Variants in FUBP1 observed in about 807,000 individuals in gnomAD.
FUBP1 encodes far upstream element-binding protein 1.
Under a neutral mutation model 94.9 loss-of-function variants are expected in FUBP1, and 16 were observed. The ratio of observed to expected loss-of-function variants is 0.17; its 90% confidence interval spans 0.11 to 0.26. The LOEUF (loss-of-function observed/expected upper bound fraction) is 0.26, where lower values mean the gene tolerates loss of function less well. FUBP1 is among the 10% of genes least tolerant of loss of function. FUBP1 has a pLI of 1.00. For missense variants in FUBP1, 583 were observed against 808.6 expected (o/e 0.72, Z 3.38); for synonymous variants, 279 against 254.9 (o/e 1.09, Z -0.90).
At position 77,947,069 on chromosome 1, in the gene FUBP1, T is replaced by C; in HGVS notation, c.*1697A>G. 4.8e-6 allele frequency: 1 copy of C among 207,476 alleles called. No homozygotes were observed. The highest frequency in any genetic ancestry group is 7.4e-5 in the East Asian group (1 of 13,602). The allele number at this position is 207,476 out of a possible 1,614,324, so 12.9% of individuals were successfully genotyped here. A position where few individuals can be genotyped will look rare whatever the true frequency, so the allele number is the denominator to read the frequency against. On this transcript the variant is annotated 3_prime_UTR_variant, in exon 20 of 20. Transcript: ENST00000370768. ...TATGAAATGTGTTAAAATTGCTACATTGCTCATTATTTGCAAACTGAAATC... is the reference window on the plus strand; with the variant it reads ...TATGAAATGTGTTAAAATTGCTACACTGCTCATTATTTGCAAACTGAAATC...
upstream of FUBP1, chr1:77,979,233 A>G (rs980713297): frequency 7.0e-5 from 37 of 530,676 alleles, no homozygotes; most frequent in Non-Finnish European, 9.1e-5. Flanking sequence ...CGCGAGGATT[A>G]AGTTTAAGAC....
chr1:77,945,462 G>C lies in FUBP1; in HGVS notation c.*3304C>G. ...TTACACCCTATACCATATTATGTAT[G>C]GGAATACATTTCATATTTCTCAATT... On this transcript the variant is annotated 3_prime_UTR_variant, in exon 20 of 20. Coordinates refer to ENST00000370768, the MANE Select transcript of FUBP1 (RefSeq NM_003902.5). The C allele has an allele frequency of 4.7e-6, 1 of 211,408 alleles. No homozygotes were observed. The highest frequency in any genetic ancestry group is 2.3e-5 in the African/African-American group (1 of 44,300). 13.1% of individuals were successfully genotyped at this position (211,408 alleles called of 1,614,324 possible).
intron 1 of FUBP1, among the ~76,000 whole-genome samples, chr1:77,971,778 G>A (rs1050416765): frequency 5.3e-5 from 8 of 151,812 alleles, no homozygotes; most frequent in Non-Finnish European, 1.2e-4. Context: ...GGAGGCCAAG[G>A]CGGGCAGATC....
intron 18 of FUBP1, among the ~76,000 whole-genome samples, chr1:77,950,881 A>G (rs954365875): frequency 3.9e-5 from 6 of 152,146 alleles, no homozygotes; most frequent in Non-Finnish European, 7.4e-5. Context: ...AGAATTTAAG[A>G]TTTATGATTC....
intron 1 of FUBP1, among the ~76,000 whole-genome samples, chr1:77,971,785 G>C (rs763291101): frequency 3.3e-5 from 5 of 151,908 alleles, no homozygotes; most frequent in African/African-American, 4.8e-5. Flanking sequence ...AAGGCGGGCA[G>C]ATCACTGAGG....
intron 4 of FUBP1, among the ~76,000 whole-genome samples, chr1:77,967,375 T>C (rs1656703479): frequency 6.6e-6 from 1 of 152,202 alleles, no homozygotes. Context: ...GAGAATGTCA[T>C]CTTAACAGTT....
At chr1:77,974,209 C>T (rs1658160387) in intron 1 of FUBP1, among the ~76,000 whole-genome samples, 1 of 145,606 alleles carries the variant, frequency 6.9e-6, no homozygotes, top group Admixed American at 7.3e-5. Flanking sequence ...GATCTCGGTT[C>T]ACTGCAAGCT....
rs1473623842 is a variant in FUBP1, at chr1:77,964,327, A to T, written c.867T>A (p.Ile289=). ...TCATCTCTCCATTTCTTCCTATTAC[A>T]ATGCCAACAGCAAATCTTGGAATGG... ...DVPIPRFAVG[I]VIGRNGEMIK... Residue 289 remains isoleucine, a synonymous_variant, in exon 11 of 20, where the codon ATT becomes ATA. Coordinates refer to ENST00000370768, the MANE Select transcript of FUBP1 (RefSeq NM_003902.5). The T allele has an allele frequency of 6.2e-7, 1 of 1,602,712 alleles. No individual in the cohort carries two copies. Among genetic ancestry groups the T allele is most frequent in the Non-Finnish European group, 8.5e-7 (1 of 1,175,992 alleles).
chr1:77,948,377 T>A lies in FUBP1; in HGVS notation c.*389A>T, dbSNP rs1368767686. 1 of 1,062,756 alleles carries A rather than the reference T, an allele frequency of 9.4e-7. No homozygotes were observed. The highest frequency in any genetic ancestry group is 1.1e-6 in the Non-Finnish European group (1 of 873,888). The allele number at this position is 1,062,756 out of a possible 1,614,324, so 65.8% of individuals were successfully genotyped here. A position where few individuals can be genotyped will look rare whatever the true frequency, so the allele number is the denominator to read the frequency against. ...GCTAAGAAATTATGAATCCTTTAAA[T>A]ACCCACATATCCAACTTACCGACAC... On this transcript the variant is annotated 3_prime_UTR_variant, in exon 20 of 20. Transcript: ENST00000370768.
Position 77,947,459 on chromosome 1 carries a change from AT to A in FUBP1, c.*1306del. Reference sequence around the variant, plus strand: ...GTCATTCTGATGTACTTACAGTGCAATGCTCCTTGAAGGAACACAATCAAGG... The same window carrying A: ...GTCATTCTGATGTACTTACAGTGCAAGCTCCTTGAAGGAACACAATCAAGG... On this transcript the variant is annotated 3_prime_UTR_variant, in exon 20 of 20. Coordinates refer to ENST00000370768, the MANE Select transcript of FUBP1 (RefSeq NM_003902.5). 1.1e-6 allele frequency: 1 copy of A among 940,738 alleles called. No individual in the cohort carries two copies. Among genetic ancestry groups the A allele is most frequent in the Non-Finnish European group, 1.5e-6 (1 of 650,890 alleles). The allele number at this position is 940,738 out of a possible 1,614,324, so 58.3% of individuals were successfully genotyped here.
chr1:77,978,775 C>T lies in FUBP1; in HGVS notation c.120+110G>A, dbSNP rs577170470. The T allele has an allele frequency of 2.3e-4, 306 of 1,332,156 alleles. 3 individuals are homozygous for T. In the Middle Eastern group the frequency reaches 2.3e-3, roughly 10 times the overall value. The allele number at this position is 1,332,156 out of a possible 1,614,324, so 82.5% of individuals were successfully genotyped here. A position where few individuals can be genotyped will look rare whatever the true frequency, so the allele number is the denominator to read the frequency against. Reference sequence around the variant, plus strand: ...GAAACGTGTCTCTTCACATTTCAGCCCGGAAGAACACCTCTTTCCTCTTCC... The same window carrying T: ...GAAACGTGTCTCTTCACATTTCAGCTCGGAAGAACACCTCTTTCCTCTTCC... On this transcript the variant is annotated intron_variant, in intron 1 of 19. Transcript: ENST00000370768.
At chr1:77,963,977 C>A in intron 12 of FUBP1, 85 bp downstream of exon 12, 1 of 862,010 alleles carries the variant, frequency 1.2e-6, no homozygotes, top group South Asian at 1.4e-5. Context: ...CAAGCAGACT[C>A]TGATATAGAG....
intron 1 of FUBP1, among the ~76,000 whole-genome samples, chr1:77,971,878 C>T (rs565246046): frequency 1.3e-5 from 2 of 151,664 alleles, no homozygotes; most frequent in South Asian, 2.1e-4. Flanking sequence ...AGCGTGGTGG[C>T]GCATGTCACC....
Position 77,948,785 on chromosome 1 carries a change from G to A in FUBP1, c.1927-11C>T. The A allele has an allele frequency of 6.2e-7, 1 of 1,606,682 alleles. No homozygotes were observed. The highest frequency in any genetic ancestry group is 8.5e-7 in the Non-Finnish European group (1 of 1,173,530). On this transcript the variant is annotated splice_polypyrimidine_tract_variant and intron_variant, in intron 19 of 19. Coordinates refer to ENST00000370768, the MANE Select transcript of FUBP1 (RefSeq NM_003902.5). ...TTCTTATTATTGGCCCTGTGCAGAA[G>A]AGATACATAAGAAATACACAAAAAG...
intron 9 of FUBP1, 32 bp from the exon 10 acceptor site, chr1:77,964,779 G>C: frequency 6.5e-7 from 1 of 1,530,282 alleles, no homozygotes; most frequent in Non-Finnish European, 9.1e-7. Flanking sequence ...AATTTAGAAA[G>C]CATGTCTCAA....
At chr1:77,951,678 ATATT>A (rs1412552745) in intron 18 of FUBP1, among the ~76,000 whole-genome samples, 14 of 152,192 alleles carry the variant, frequency 9.2e-5, no homozygotes, top group Non-Finnish European at 1.5e-5. Context: ...ACATTATCTA[ATATT>A]TATTATAGTT....
At chr1:77,973,299 G>T (rs922394882) in intron 1 of FUBP1, among the ~76,000 whole-genome samples, 1 of 152,158 alleles carries the variant, frequency 6.6e-6, no homozygotes, top group African/African-American at 2.4e-5. Flanking sequence ...AGACTAGAGT[G>T]CAGTGGCGTG....
At chr1:77,956,773 C>G (rs535619112) in intron 16 of FUBP1, 73 bp from the exon 17 acceptor site, 34 of 1,085,430 alleles carry the variant, frequency 3.1e-5, no homozygotes, top group Middle Eastern at 4.3e-4. Flanking sequence ...ACACCACCCC[C>G]CCGCCCAGCT....
rs530539731 is a variant in FUBP1 at position 77,968,772 on chromosome 1, C to G, written c.212-569G>C. On this transcript the variant is annotated intron_variant, in intron 2 of 19. Transcript: ENST00000370768. ...AAAAAATAAAATCTCAAAGCAACTA[C>G]ATGACTACCTTCACCTAAATCCATT... is the stretch of plus-strand genomic sequence containing the variant. 3.3e-5 allele frequency among the ~76,000 whole-genome samples: 5 copies of G among 152,238 alleles called. No individual in the cohort carries two copies. In the South Asian group the frequency reaches 1.0e-3, roughly 32 times the overall value.
Sources: allele counts gnomAD v4.1 joint callset (sites outside exome capture counted in the v4.1 genomes callset), GRCh38; gene constraint gnomAD v4.1.1; transcripts MANE v1.5; gene names NCBI Gene and HGNC (gene_info 2026-07-23, HGNC 2026-07-21).